The following POMT2 variants were observed in gnomAD, a reference collection of about 807,000 sequenced individuals.
POMT2 encodes protein O-mannosyl-transferase 2.
In POMT2, 75 loss-of-function variants were observed where a neutral mutation model predicts 100.0. The ratio of observed to expected loss-of-function variants is 0.75; its 90% CI spans 0.62 to 0.91. The LOEUF (loss-of-function observed/expected upper bound fraction) is 0.91, where lower values mean the gene tolerates loss of function less well. Among genes scored for constraint, POMT2 ranks in the 40% least tolerant of loss-of-function variants. POMT2 has a pLI of 0.00. For synonymous variants in POMT2, 378 were observed against 374.1 expected (o/e 1.01, Z -0.12); for missense variants, 940 against 955.1 (o/e 0.98, Z 0.21).
intron 2 of POMT2, among the ~76,000 whole-genome samples, chr14:77,307,265 G>A (rs2139503631): frequency 6.6e-6 from 1 of 152,360 alleles, no homozygotes; most frequent in Non-Finnish European, 1.5e-5. Flanking sequence ...CTGGCAGGCT[G>A]TGTTGGGGGA....
In POMT2 at chr14:77,279,875, G is replaced by A. The variant is rs1400122508; in HGVS notation, c.1839C>T (p.Ser613=). The A allele has an allele frequency of 6.2e-7, 1 of 1,614,038 alleles. No homozygotes were observed. The highest frequency in any genetic ancestry group is 8.5e-7 in the Non-Finnish European group (1 of 1,180,004). ...LSIALYLLSG[S]IIAVAMQRGA... Reference sequence around the variant, plus strand: ...CTCTCTGCATGGCTACAGCAATGATGCTCCCTGAGAGGAGGTAGAGGGCGA... The same window carrying A: ...CTCTCTGCATGGCTACAGCAATGATACTCCCTGAGAGGAGGTAGAGGGCGA... The change falls in exon 18 of 21, where the codon AGC becomes AGT. Residue 613 remains serine, a synonymous_variant. Transcript: ENST00000261534.
rs775380759 is a variant in POMT2 at position 77,320,731 on chromosome 14, A to C, written c.-50T>G. On this transcript the variant is annotated 5_prime_UTR_variant, in exon 1 of 21. Coordinates refer to ENST00000261534, the MANE Select transcript of POMT2 (RefSeq NM_013382.7). ...CCGGCCCGGAGGCACACTTTGTCTG[A>C]CCAGCCGCCCCGCCAAGGAGTCACA... The C allele has an allele frequency of 2.5e-6, 4 of 1,574,148 alleles. No homozygotes were observed. Among genetic ancestry groups the C allele is most frequent in the Non-Finnish European group, 3.4e-6 (4 of 1,169,604 alleles).
At chr14:77,298,068 G>A (rs1310794460) in intron 8 of POMT2, among the ~76,000 whole-genome samples, 1 of 152,094 alleles carries the variant, frequency 6.6e-6, no homozygotes, top group Non-Finnish European at 1.5e-5. Flanking sequence ...GTTTTACTCT[G>A]TCCTCAGCTT....
At chr14:77,286,455 G>A (rs533667238) in intron 12 of POMT2, among the ~76,000 whole-genome samples, 5 of 152,308 alleles carry the variant, frequency 3.3e-5, no homozygotes, top group African/African-American at 9.6e-5. Flanking sequence ...TGTCCAATGT[G>A]ATTTTAAAAG....
intron 2 of POMT2, among the ~76,000 whole-genome samples, chr14:77,307,272 G>A (rs1021278453): frequency 6.6e-6 from 1 of 152,212 alleles, no homozygotes; most frequent in African/African-American, 2.4e-5. Flanking sequence ...GCTGTGTTGG[G>A]GGAGGGAATA....
At chr14:77,281,876 G>A (rs922133892) in intron 15 of POMT2, among the ~76,000 whole-genome samples, 1 of 152,156 alleles carries the variant, frequency 6.6e-6, no homozygotes, top group Non-Finnish European at 1.5e-5. Flanking sequence ...CACTGGTATA[G>A]CCTAAGAAAG....
At chr14:77,308,294 C>T (rs1338939714) in intron 2 of POMT2, among the ~76,000 whole-genome samples, 1 of 150,920 alleles carries the variant, frequency 6.6e-6, no homozygotes, top group East Asian at 1.9e-4. Flanking sequence ...CTAACTCATA[C>T]AGTCATGCAA....
chr14:77,306,101 G>A lies in POMT2; in HGVS notation c.438+236C>T, dbSNP rs559028428. On this transcript the variant is annotated intron_variant, in intron 3 of 20. Transcript: ENST00000261534. ...GGGGCAGGGCAGCAGGTGACAATGC[G>A]TGCCTGCTTCTATCTATGTCATCTC... The A allele has an allele frequency of 5.9e-4, 323 of 546,412 alleles. 3 individuals are homozygous for A. Among genetic ancestry groups the A allele is most frequent in the South Asian group, 5.4e-3 (283 of 52,186 alleles). The allele number at this position is 546,412 out of a possible 1,614,324, so 33.8% of individuals were successfully genotyped here.
intron 18 of POMT2, chr14:77,279,328 G>A: frequency 2.7e-6 from 1 of 368,260 alleles, no homozygotes; most frequent in Non-Finnish European, 5.3e-6. Context: ...CAGGTGCTGT[G>A]GCCCATGGTC....
rs1408970732 is a variant in POMT2 at position 77,320,430 on chromosome 14, T to G, written c.248+4A>C. ...GTGCCCGCCGAGTCCCTCCCATCAC[T>G]CACCAGATGTGCGGCGGCTCGTCCA... On this transcript the variant is annotated splice_donor_region_variant and intron_variant, in intron 1 of 20. Transcript: ENST00000261534. 2.6e-6 allele frequency: 4 copies of G among 1,546,306 alleles called. No individual in the cohort carries two copies. The highest frequency in any genetic ancestry group is 3.5e-6 in the Non-Finnish European group (4 of 1,146,808).
chr14:77,304,567 T>A, intron 4 of POMT2, 125 bp downstream of exon 4: 2 of 1,466,998 alleles, frequency 1.4e-6, no homozygotes, highest in South Asian at 2.5e-5. Flanking sequence ...TAGTACATTT[T>A]ACCCAATCCT....
At chr14:77,295,631 C>CAAAAAAA (rs35870247) in intron 9 of POMT2, among the ~76,000 whole-genome samples, 1 of 83,264 alleles carries the variant, frequency 1.2e-5, no homozygotes, top group Non-Finnish European at 2.4e-5. Flanking sequence ...GACTCCATCT[C>CAAAAAAA]AAAAAAAAAA....
At chr14:77,280,529 C>T (rs756338078) in intron 15 of POMT2, 66 bp from the exon 16 acceptor site, 17 of 1,611,334 alleles carry the variant, frequency 1.1e-5, no homozygotes, top group Admixed American at 3.3e-5. Context: ...AAATGTGGGG[C>T]CCAGGTTTTT....
chr14:77,317,659 T>C lies in POMT2; in HGVS notation c.248+2775A>G, dbSNP rs374380925. 1.8e-4 allele frequency among the ~76,000 whole-genome samples: 27 copies of C among 152,328 alleles called. 1 individual carries two copies. In the East Asian group the frequency reaches 2.9e-3, roughly 16 times the overall value. On this transcript the variant is annotated intron_variant, in intron 1 of 20. Coordinates refer to ENST00000261534, the MANE Select transcript of POMT2 (RefSeq NM_013382.7). ...CACCTAAGGCAGCCATTCTCAGAAATGGGTCATCTCCTTTTGCCTACCAAC... is the reference window on the plus strand; with the variant it reads ...CACCTAAGGCAGCCATTCTCAGAAACGGGTCATCTCCTTTTGCCTACCAAC...
At chr14:77,299,357 C>G in intron 7 of POMT2, 98 bp downstream of exon 7, 1 of 1,074,468 alleles carries the variant, frequency 9.3e-7, no homozygotes, top group Non-Finnish European at 1.4e-6. Flanking sequence ...CCTCACCTAT[C>G]ATTTTAACCA....
chr14:77,310,053 CA>C (rs1402127947), intron 2 of POMT2, among the ~76,000 whole-genome samples: 1 of 152,176 alleles, frequency 6.6e-6, no homozygotes, highest in Non-Finnish European at 1.5e-5. Flanking sequence ...AGGAAAACTC[CA>C]AAAAAGAACG....
At chr14:77,277,782 C>A (rs964812312) in intron 20 of POMT2, among the ~76,000 whole-genome samples, 3 of 152,190 alleles carry the variant, frequency 2.0e-5, no homozygotes, top group African/African-American at 7.2e-5. Flanking sequence ...GAATGTAACC[C>A]TCTTAGGCAG....
At chr14:77,320,203 G>C (rs371179205) in intron 1 of POMT2, 128 of 687,176 alleles carry the variant, frequency 1.9e-4, no homozygotes, top group Non-Finnish European at 3.7e-5. Context: ...TGGAAGACAT[G>C]AGGGCTGCTT....
chr14:77,299,674 G>T, intron 6 of POMT2, 113 bp from the exon 7 acceptor site: 2 of 835,898 alleles, frequency 2.4e-6, no homozygotes, highest in Non-Finnish European at 4.0e-6. Context: ...CATAAAAAAT[G>T]GCCAAGAGGA....
Sources: allele counts gnomAD v4.1 joint callset (sites outside exome capture counted in the v4.1 genomes callset), GRCh38; gene constraint gnomAD v4.1.1; transcripts MANE v1.5; gene names NCBI Gene and HGNC (gene_info 2026-07-23, HGNC 2026-07-21).